The following EDIL3 variants were observed in gnomAD, a reference collection of about 807,000 sequenced individuals.
The protein encoded by EDIL3 is EGF-like repeat and discoidin I-like domain-containing protein 3.
In EDIL3, 37 loss-of-function variants were observed where a neutral mutation model predicts 67.4. The ratio of observed to expected loss-of-function variants is 0.55; its 90% CI spans 0.42 to 0.72. The LOEUF is 0.72. Ranked by LOEUF, EDIL3 falls within the 30% of genes least tolerant of loss-of-function variation. The probability of loss-of-function intolerance (pLI) is 0.00; values close to 1 mark genes in which losing one functional copy is unlikely to be tolerated. For missense variants in EDIL3, 527 were observed against 586.3 expected (o/e 0.90, Z 1.04); for synonymous variants, 195 against 196.3 (o/e 0.99, Z 0.05).
chr5:84,088,044 G>A (rs1487490665), intron 6 of EDIL3, among the ~76,000 whole-genome samples: 1 of 152,160 alleles, frequency 6.6e-6, no homozygotes, highest in East Asian at 1.9e-4. Context: ...CTTGTTGAAT[G>A]AAATCAAATA....
rs67762520 is a variant in EDIL3, at chr5:84,037,988, G to GTTTTTTTTTTT, written c.1137+22301_1137+22311dup. 1.8e-4 allele frequency among the ~76,000 whole-genome samples: 18 copies of GTTTTTTTTTTT among 99,750 alleles called. 1 individual carries two copies. Among genetic ancestry groups the GTTTTTTTTTTT allele is most frequent in the African/African-American group, 5.9e-4 (13 of 22,186 alleles). The allele number at this position is 99,750 out of a possible 152,430, so 65.4% of individuals were successfully genotyped here. A position where few individuals can be genotyped will look rare whatever the true frequency, so the allele number is the denominator to read the frequency against. On this transcript the variant is annotated intron_variant, in intron 9 of 10. Coordinates refer to ENST00000296591, the MANE Select transcript of EDIL3 (RefSeq NM_005711.5). ...TTCTCTTTTCTTTTCTTTCTTTCTTGTTTTTTTTTTTTTTTTTTTTTTTGA... is the reference window on the plus strand; with the variant it reads ...TTCTCTTTTCTTTTCTTTCTTTCTTGTTTTTTTTTTTTTTTTTTTTTTTTTTTTTTTTTTGA...
At chr5:84,355,796 T>C (rs1227508974) in intron 1 of EDIL3, among the ~76,000 whole-genome samples, 1 of 152,136 alleles carries the variant, frequency 6.6e-6, no homozygotes, top group African/African-American at 2.4e-5. Context: ...GTCTGTCCCT[T>C]TGCAGAGCTC....
At chr5:83,959,654 G>C (rs1350572160) in intron 10 of EDIL3, among the ~76,000 whole-genome samples, 1 of 150,834 alleles carries the variant, frequency 6.6e-6, no homozygotes, top group Non-Finnish European at 1.5e-5. Context: ...CTTATGGAGA[G>C]TAATCATGGA....
At chr5:84,382,198 G>A (rs1171141987) in intron 1 of EDIL3, among the ~76,000 whole-genome samples, 2 of 152,160 alleles carry the variant, frequency 1.3e-5, no homozygotes, top group Non-Finnish European at 2.9e-5. Flanking sequence ...GGGGGAAAAA[G>A]GGAGAAATCT....
intron 3 of EDIL3, among the ~76,000 whole-genome samples, chr5:84,181,548 G>A (rs768508049): frequency 2.0e-5 from 3 of 152,112 alleles, no homozygotes; most frequent in South Asian, 2.1e-4. Flanking sequence ...TCCCTTCAAA[G>A]TGACAGGCTA....
At chr5:84,046,084 T>TA (rs1258791685) in intron 9 of EDIL3, among the ~76,000 whole-genome samples, 2 of 152,206 alleles carry the variant, frequency 1.3e-5, no homozygotes, top group African/African-American at 4.8e-5. Context: ...CAGAAAATAT[T>TA]AGAGTTTACA....
intron 2 of EDIL3, among the ~76,000 whole-genome samples, chr5:84,252,238 TC>T (rs1215891528): frequency 3.9e-5 from 6 of 151,978 alleles, no homozygotes; most frequent in Non-Finnish European, 8.8e-5. Flanking sequence ...ACGCCTGTAA[TC>T]CCAACACTTT....
At chr5:84,185,044 T>C (rs994838677) in intron 3 of EDIL3, among the ~76,000 whole-genome samples, 4 of 152,154 alleles carry the variant, frequency 2.6e-5, no homozygotes, top group Non-Finnish European at 5.9e-5. Context: ...TGAGTGTACA[T>C]ATTATCTTTA....
At chr5:84,210,456 C>T (rs1744095939) in intron 3 of EDIL3, among the ~76,000 whole-genome samples, 1 of 151,722 alleles carries the variant, frequency 6.6e-6, no homozygotes, top group African/African-American at 2.4e-5. Flanking sequence ...AATTATAAAA[C>T]TATGTTAAAA....
chr5:84,077,826 C>T (rs538656301), intron 6 of EDIL3, among the ~76,000 whole-genome samples: 2 of 150,138 alleles, frequency 1.3e-5, no homozygotes, highest in Non-Finnish European at 3.0e-5. Context: ...TCTTCCACTT[C>T]TTCTTTTCTT....
At chr5:84,355,611 G>A (rs780500432) in intron 1 of EDIL3, among the ~76,000 whole-genome samples, 8 of 152,048 alleles carry the variant, frequency 5.3e-5, no homozygotes, top group Middle Eastern at 3.2e-3. Flanking sequence ...TATCACCAGC[G>A]GAGGCTGCAG....
At chr5:83,969,293 C>T (rs1051093451) in intron 9 of EDIL3, among the ~76,000 whole-genome samples, 3 of 151,716 alleles carry the variant, frequency 2.0e-5, no homozygotes, top group Non-Finnish European at 4.4e-5. Flanking sequence ...CATTCCCACA[C>T]AATCATAGTC....
intron 5 of EDIL3, among the ~76,000 whole-genome samples, chr5:84,136,776 T>C (rs573163802): frequency 3.0e-4 from 45 of 152,220 alleles, no homozygotes; most frequent in African/African-American, 1.1e-3. Context: ...CTCCTCTTGC[T>C]GAGGCCTCTA....
chr5:84,199,866 C>T (rs1174942349), intron 3 of EDIL3, among the ~76,000 whole-genome samples: 1 of 152,004 alleles, frequency 6.6e-6, no homozygotes, highest in African/African-American at 2.4e-5. Flanking sequence ...AAAGCAGGAG[C>T]CTTGCAAATT....
intron 3 of EDIL3, among the ~76,000 whole-genome samples, chr5:84,197,729 T>C (rs750926004): frequency 6.7e-6 from 1 of 149,982 alleles, no homozygotes; most frequent in Non-Finnish European, 1.5e-5. Flanking sequence ...AGAAATGCAA[T>C]ATAATTGCAT....
At chr5:84,307,263 A>G (rs957409427) in intron 1 of EDIL3, among the ~76,000 whole-genome samples, 28 of 151,714 alleles carry the variant, frequency 1.8e-4, no homozygotes, top group Admixed American at 1.6e-3. Flanking sequence ...AGGCTAATGA[A>G]AATTGGGGAA....
chr5:84,240,331 T>C (rs1247208480), intron 2 of EDIL3, among the ~76,000 whole-genome samples: 3 of 152,166 alleles, frequency 2.0e-5, no homozygotes, highest in South Asian at 2.1e-4. Context: ...GAATAATATA[T>C]TATCAAGGGA....
At chr5:84,375,178 G>T (rs1747942170) in intron 1 of EDIL3, among the ~76,000 whole-genome samples, 1 of 151,924 alleles carries the variant, frequency 6.6e-6, no homozygotes. Flanking sequence ...CATCATGTTG[G>T]CCAGGATGGT....
intron 9 of EDIL3, among the ~76,000 whole-genome samples, chr5:84,017,573 G>A (rs988461999): frequency 1.3e-5 from 2 of 152,098 alleles, no homozygotes; most frequent in Non-Finnish European, 2.9e-5. Context: ...TGGCACACCA[G>A]TGCACATTAT....
Sources: allele counts gnomAD v4.1 joint callset (sites outside exome capture counted in the v4.1 genomes callset), GRCh38; gene constraint gnomAD v4.1.1; transcripts MANE v1.5; gene names NCBI Gene and HGNC (gene_info 2026-07-23, HGNC 2026-07-21).